XPR1: variants seen among roughly 807,000 people sequenced by gnomAD.
XPR1 encodes the protein xenotropic and polytropic retrovirus receptor 1, also known as solute carrier family 53 member 1.
A neutral mutation model predicts 87.5 loss-of-function variants in XPR1; 28 were observed. The observed-to-expected ratio is 0.32, with a 90% CI of 0.24 to 0.44. XPR1 has a LOEUF of 0.44. Among genes scored for constraint, XPR1 ranks in the 20% least tolerant of loss-of-function variants. XPR1 has a pLI of 1.00. For synonymous variants in XPR1, 300 were observed against 306.1 expected, an observed-to-expected ratio of 0.98 and a Z score of 0.21; for missense variants, 559 against 862.3, an observed-to-expected ratio of 0.65 and a Z score of 4.41.
At chr1:180,690,616 T>C (rs1185402375) in intron 2 of XPR1, among the ~76,000 whole-genome samples, 3 of 152,048 alleles carry the variant, frequency 2.0e-5, no homozygotes, top group Non-Finnish European at 4.4e-5. Flanking sequence ...CAGTCTAATA[T>C]AGCCACTTAG....
At chr1:180,720,145 G>T (rs548055550) in intron 2 of XPR1, among the ~76,000 whole-genome samples, 5 of 152,044 alleles carry the variant, frequency 3.3e-5, no homozygotes, top group African/African-American at 9.7e-5. Flanking sequence ...TTACGAGATA[G>T]GAGAGGGGAT....
At chr1:180,842,724 C>G (rs922120638) in intron 11 of XPR1, among the ~76,000 whole-genome samples, 1 of 152,070 alleles carries the variant, frequency 6.6e-6, no homozygotes, top group Non-Finnish European at 1.5e-5. Context: ...TAGAAAAGGC[C>G]ATTATGTTGT....
At position 180,785,304 on chromosome 1, in the gene XPR1, C is replaced by A. The variant is rs182262480; in HGVS notation, c.122-2449C>A. Among the ~76,000 whole-genome samples the A allele has an allele frequency of 6.6e-3, 1,010 of 152,002 alleles. 14 individuals are homozygous for A. Among genetic ancestry groups the A allele is most frequent in the African/African-American group, 0.023 (972 of 41,496 alleles). On this transcript the variant is annotated intron_variant, in intron 2 of 14. Coordinates refer to ENST00000367590, the MANE Select transcript of XPR1 (RefSeq NM_004736.4). The stretch of plus-strand genomic sequence containing the variant: ...AGTAGCTAGGATTACAGGCACGAGC[C>A]ACCATGCCCAACTAATTTTTGTATT...
intron 1 of XPR1, among the ~76,000 whole-genome samples, chr1:180,640,491 GTTT>G (rs1161341601): frequency 6.6e-6 from 1 of 152,232 alleles, no homozygotes; most frequent in Non-Finnish European, 1.5e-5. Context: ...ATGGCGTACT[GTTT>G]TATGAAAAAT....
At chr1:180,657,910 A>G (rs540388669) in intron 1 of XPR1, among the ~76,000 whole-genome samples, 1 of 152,282 alleles carries the variant, frequency 6.6e-6, no homozygotes, top group Admixed American at 6.5e-5. Context: ...GATTCTTCCA[A>G]TCCATGAACA....
rs141150335 is a variant in XPR1 at position 180,810,266 on chromosome 1, C to A, written c.682-1141C>A. 2.2e-3 allele frequency among the ~76,000 whole-genome samples: 338 copies of A among 152,168 alleles called. 3 individuals carry two copies. The highest frequency in any genetic ancestry group is 7.8e-3 in the African/African-American group (325 of 41,530). ...AGTCTCTTAAGAACCTCTCGTATAT[C>A]CTGAAAAATTTACTTTAAATTACCC... On this transcript the variant is annotated intron_variant, in intron 6 of 14. Coordinates refer to ENST00000367590, the MANE Select transcript of XPR1 (RefSeq NM_004736.4).
At chr1:180,839,087 A>C (rs1651410845) in intron 11 of XPR1, among the ~76,000 whole-genome samples, 1 of 152,202 alleles carries the variant, frequency 6.6e-6, no homozygotes, top group Non-Finnish European at 1.5e-5. Context: ...GCAGATGAGA[A>C]TAGGAGTTTC....
chr1:180,879,964 T>G, intron 13 of XPR1, 112 bp from the exon 14 acceptor site: 1 of 1,141,930 alleles, frequency 8.8e-7, no homozygotes, highest in Non-Finnish European at 1.3e-6. Flanking sequence ...TTCAAGCCCT[T>G]AATTCTTTGT....
intron 2 of XPR1, among the ~76,000 whole-genome samples, chr1:180,727,688 G>C (rs958585737): frequency 6.6e-6 from 1 of 152,160 alleles, no homozygotes; most frequent in South Asian, 2.1e-4. Flanking sequence ...AGAAAGTAAA[G>C]GAATGAAGGA....
chr1:180,830,796 A>G (rs1253150778), intron 9 of XPR1, among the ~76,000 whole-genome samples: 1 of 152,168 alleles, frequency 6.6e-6, no homozygotes, highest in Non-Finnish European at 1.5e-5. Context: ...TATTTCTGGT[A>G]ATTGCATTGG....
intron 3 of XPR1, among the ~76,000 whole-genome samples, chr1:180,793,384 G>T (rs954086313): frequency 1.3e-5 from 2 of 152,006 alleles, no homozygotes; most frequent in Admixed American, 1.3e-4. Flanking sequence ...AATGAATCAT[G>T]AGAATCTTTT....
chr1:180,671,294 G>A (rs953763476), intron 1 of XPR1, among the ~76,000 whole-genome samples: 2 of 152,142 alleles, frequency 1.3e-5, no homozygotes, highest in African/African-American at 4.8e-5. Context: ...AGATCTGTCA[G>A]AGAGATCAAA....
intron 2 of XPR1, among the ~76,000 whole-genome samples, chr1:180,752,756 G>A (rs1489167093): frequency 6.6e-6 from 1 of 151,822 alleles, no homozygotes; most frequent in Non-Finnish European, 1.5e-5. Context: ...TTGAACATTT[G>A]GTTATTATTT....
intron 11 of XPR1, among the ~76,000 whole-genome samples, chr1:180,837,975 A>G (rs1228572659): frequency 6.6e-6 from 1 of 152,180 alleles, no homozygotes; most frequent in African/African-American, 2.4e-5. Flanking sequence ...AGAACATAAT[A>G]TACCTTTAAC....
chr1:180,765,927 TC>T (rs1468008279), intron 2 of XPR1, among the ~76,000 whole-genome samples: 2 of 152,136 alleles, frequency 1.3e-5, no homozygotes, highest in African/African-American at 4.8e-5. Context: ...AACATATTTT[TC>T]AAGAAGACAG....
intron 11 of XPR1, among the ~76,000 whole-genome samples, chr1:180,855,187 A>G (rs1651987627): frequency 6.6e-6 from 1 of 152,226 alleles, no homozygotes; most frequent in Admixed American, 6.5e-5. Flanking sequence ...GCTAGATAGA[A>G]TACAATATTA....
chr1:180,734,038 T>C (rs553819874), intron 2 of XPR1, among the ~76,000 whole-genome samples: 1 of 152,352 alleles, frequency 6.6e-6, no homozygotes, highest in African/African-American at 2.4e-5. Context: ...AGTATCTTCT[T>C]CAGGGTCAGA....
intron 7 of XPR1, 24 bp downstream of exon 7, chr1:180,811,512 AATTT>A: frequency 6.3e-7 from 1 of 1,582,698 alleles, no homozygotes; most frequent in South Asian, 1.1e-5. Context: ...ATTTTGAATT[AATTT>A]ATTCTTACCA....
chr1:180,714,605 A>G (rs951909948), intron 2 of XPR1, among the ~76,000 whole-genome samples: 1 of 151,740 alleles, frequency 6.6e-6, no homozygotes, highest in African/African-American at 2.4e-5. Context: ...GGGTCTCACT[A>G]TGTTGCCCAG....
Sources: allele counts gnomAD v4.1 joint callset (sites outside exome capture counted in the v4.1 genomes callset), GRCh38; gene constraint gnomAD v4.1.1; transcripts MANE v1.5; gene names NCBI Gene and HGNC (gene_info 2026-07-23, HGNC 2026-07-21).